Variants in BNC2 observed in about 807,000 individuals in gnomAD.
The protein encoded by BNC2 is zinc finger protein basonuclin-2.
A neutral mutation model predicts 76.3 loss-of-function variants in BNC2; 20 were observed. The observed-to-expected ratio is 0.26, with a 90% CI of 0.18 to 0.38. The LOEUF is 0.38. Among genes scored for constraint, BNC2 ranks in the 10% least tolerant of loss-of-function variants. The pLI is 1.00. For missense variants in BNC2, 1,382 were observed against 1,399.8 expected, an observed-to-expected ratio of 0.99 and a Z score of 0.20; for synonymous variants, 582 against 514.8, an observed-to-expected ratio of 1.13 and a Z score of -1.77.
At chr9:16,868,401 CTCTA>C (rs59547297) in intron 1 of BNC2, among the ~76,000 whole-genome samples, 21,000 of 152,072 alleles carry the variant, frequency 0.14, 2,022 homozygotes, top group African/African-American at 0.27. Flanking sequence ...AATCACATAT[CTCTA>C]TCTGACAGAT....
At chr9:16,858,970 G>C (rs1239831332) in intron 1 of BNC2, among the ~76,000 whole-genome samples, 1 of 151,954 alleles carries the variant, frequency 6.6e-6, no homozygotes, top group African/African-American at 2.4e-5. Context: ...TCTGATAAGG[G>C]GTATAGACAT....
intron 2 of BNC2, among the ~76,000 whole-genome samples, chr9:16,737,532 G>A (rs1824711479): frequency 1.4e-5 from 2 of 138,156 alleles, no homozygotes; most frequent in African/African-American, 5.4e-5. Context: ...TTACAGGCGT[G>A]AGCCACCGTG....
intron 5 of BNC2, among the ~76,000 whole-genome samples, chr9:16,511,582 C>T (rs1010069104): frequency 2.6e-5 from 4 of 151,758 alleles, no homozygotes; most frequent in African/African-American, 9.7e-5. Flanking sequence ...TGTAAGCCAC[C>T]ATGCCTGGCT....
intron 1 of BNC2, among the ~76,000 whole-genome samples, chr9:16,782,300 T>C (rs113428752): frequency 3.3e-5 from 5 of 151,606 alleles, no homozygotes; most frequent in African/African-American, 1.2e-4. Context: ...ATAATAATAA[T>C]GATAATAATA....
chr9:16,738,550 C>T (rs1230998232), intron 1 of BNC2, 65 bp from the exon 2 acceptor site: 20 of 1,424,396 alleles, frequency 1.4e-5, no homozygotes, highest in Non-Finnish European at 1.9e-5. Context: ...GCATTGAGTA[C>T]ATCAAAACTT....
chr9:16,727,864 G>A lies in BNC2; in HGVS notation c.263C>T (p.Ala88Val), dbSNP rs1824390725. 4.3e-6 allele frequency: 7 copies of A among 1,614,202 alleles called. No individual in the cohort carries two copies. The highest frequency in any genetic ancestry group is 5.9e-6 in the Non-Finnish European group (7 of 1,180,036). The change falls in exon 3 of 7, where the codon GCT (alanine) becomes GTT (valine). Residue 88 changes from alanine to valine, a missense_variant. Around this residue, in one of 3 missense-constraint regions of BNC2, gnomAD observed 557 missense variants for 540.9 expected, o/e 1.03. Transcript: ENST00000380672. ...SMQFGTRTTT[A>V]EPGFMGTWQN... The stretch of plus-strand genomic sequence containing the variant: ...CCATGTCCCCATGAACCCTGGTTCA[G>A]CCGTAGTCGTTCTGGTTCCGAACTG...
At chr9:16,516,834 T>C (rs1817457944) in intron 5 of BNC2, among the ~76,000 whole-genome samples, 2 of 152,346 alleles carry the variant, frequency 1.3e-5, no homozygotes, top group Middle Eastern at 3.4e-3. Flanking sequence ...TTATTCCAAA[T>C]GTAGTAAAAT....
chr9:16,864,960 G>A (rs530003359), intron 1 of BNC2, among the ~76,000 whole-genome samples: 2 of 150,772 alleles, frequency 1.3e-5, no homozygotes, highest in South Asian at 2.1e-4. Context: ...ACAGCACATC[G>A]TCGAGTCACA....
At chr9:16,838,362 C>T (rs917156996) in intron 1 of BNC2, among the ~76,000 whole-genome samples, 1 of 152,236 alleles carries the variant, frequency 6.6e-6, no homozygotes, top group African/African-American at 2.4e-5. Context: ...CAAGATCAGC[C>T]TGGCCAACAT....
At chr9:16,630,471 T>G (rs1367512180) in intron 3 of BNC2, among the ~76,000 whole-genome samples, 1 of 152,202 alleles carries the variant, frequency 6.6e-6, no homozygotes, top group East Asian at 1.9e-4. Context: ...GGTCCTCTAT[T>G]TTTAAAATGA....
At chr9:16,422,087 G>T (rs1005061789) in intron 6 of BNC2, among the ~76,000 whole-genome samples, 3 of 152,148 alleles carry the variant, frequency 2.0e-5, no homozygotes, top group African/African-American at 7.2e-5. Context: ...CACCCAGATG[G>T]ACACATCTTC....
intron 1 of BNC2, among the ~76,000 whole-genome samples, chr9:16,772,899 AG>A (rs1825867411): frequency 6.6e-6 from 1 of 152,224 alleles, no homozygotes; most frequent in South Asian, 2.1e-4. Flanking sequence ...ATCTTGTACT[AG>A]CAGCCTAACT....
chr9:16,828,870 C>T (rs1287967315), intron 1 of BNC2, among the ~76,000 whole-genome samples: 1 of 152,154 alleles, frequency 6.6e-6, no homozygotes, highest in Non-Finnish European at 1.5e-5. Flanking sequence ...TGAATATGTG[C>T]TCCAGATGTG....
intron 1 of BNC2, among the ~76,000 whole-genome samples, chr9:16,739,269 A>G (rs1824770095): frequency 6.6e-6 from 1 of 152,218 alleles, no homozygotes; most frequent in Non-Finnish European, 1.5e-5. Flanking sequence ...AAGCTTCTCA[A>G]CAGCAGTAAC....
At chr9:16,738,519 C>A (rs760221519) in intron 1 of BNC2, 34 bp from the exon 2 acceptor site, 2 of 1,610,742 alleles carry the variant, frequency 1.2e-6, no homozygotes, top group African/African-American at 2.7e-5. Flanking sequence ...ATTACATATG[C>A]CCAGACAGTA....
chr9:16,635,957 CAG>C (rs1211975394), intron 3 of BNC2, among the ~76,000 whole-genome samples: 2 of 152,086 alleles, frequency 1.3e-5, no homozygotes, highest in African/African-American at 2.4e-5. Context: ...ATGTGTAGAA[CAG>C]GGGATACATT....
At chr9:16,505,721 T>A (rs1822609789) in intron 5 of BNC2, among the ~76,000 whole-genome samples, 1 of 152,088 alleles carries the variant, frequency 6.6e-6, no homozygotes, top group Non-Finnish European at 1.5e-5. Context: ...AAATCATATA[T>A]AGTTCCCTCT....
intron 3 of BNC2, among the ~76,000 whole-genome samples, chr9:16,687,495 T>A (rs1310149322): frequency 6.6e-6 from 1 of 152,066 alleles, no homozygotes; most frequent in Non-Finnish European, 1.5e-5. Context: ...TCAGCTGACA[T>A]ATGGAAGGCC....
At chr9:16,725,007 A>G (rs575600850) in intron 3 of BNC2, among the ~76,000 whole-genome samples, 2 of 152,254 alleles carry the variant, frequency 1.3e-5, no homozygotes, top group African/African-American at 4.8e-5. Flanking sequence ...AAGCTAAGTA[A>G]ATTTTACTTA....
Sources: allele counts gnomAD v4.1 joint callset (sites outside exome capture counted in the v4.1 genomes callset), GRCh38; gene constraint gnomAD v4.1.1; regional missense constraint gnomAD v4.1.1; transcripts MANE v1.5; gene names NCBI Gene and HGNC (gene_info 2026-07-23, HGNC 2026-07-21).